The following RREB1 variants were observed in gnomAD, a reference collection of about 807,000 sequenced individuals.
RREB1 encodes the protein ras responsive element binding protein 1.
A neutral mutation model predicts 117.8 loss-of-function variants in RREB1; 27 were observed. The observed-to-expected ratio is 0.23, with a 90% CI of 0.17 to 0.32. The LOEUF (loss-of-function observed/expected upper bound fraction) is 0.32. Ranked by LOEUF, RREB1 falls within the 10% of genes least tolerant of loss-of-function variation. The probability of loss-of-function intolerance (pLI) is 1.00; values close to 1 mark genes in which losing one functional copy is unlikely to be tolerated. For missense variants in RREB1, 2,577 were observed against 2,378.2 expected (o/e 1.08, Z -1.74); for synonymous variants, 1,298 against 1,026.7 (o/e 1.26, Z -5.05).
At chr6:7,123,847 G>A (rs1217143562) in intron 1 of RREB1, among the ~76,000 whole-genome samples, 2 of 151,878 alleles carry the variant, frequency 1.3e-5, no homozygotes, top group African/African-American at 4.8e-5. Flanking sequence ...TCCTGACCTC[G>A]TGATCCACCT....
intron 6 of RREB1, among the ~76,000 whole-genome samples, chr6:7,191,202 A>G (rs1242253752): frequency 1.3e-5 from 2 of 151,804 alleles, no homozygotes; most frequent in East Asian, 3.9e-4. Context: ...ACGTGAACAC[A>G]TGTCTGTATT....
At chr6:7,132,308 G>A (rs1762187741) in intron 1 of RREB1, among the ~76,000 whole-genome samples, 1 of 152,092 alleles carries the variant, frequency 6.6e-6, no homozygotes, top group Admixed American at 6.6e-5. Context: ...ACCTGCCTCG[G>A]CCTTCCAAAG....
chr6:7,215,946 TGAA>T (rs3028732), intron 8 of RREB1: 80,219 of 151,778 alleles, frequency 0.53, 22,352 homozygotes, highest in East Asian at 0.8. Context: ...GTCTTGTGTG[TGAA>T]GAAGGCCCAA....
chr6:7,114,229 C>G (rs1761277946), intron 1 of RREB1, among the ~76,000 whole-genome samples: 1 of 152,200 alleles, frequency 6.6e-6, no homozygotes, highest in Non-Finnish European at 1.5e-5. Context: ...TCAAGCGATT[C>G]TCCTGCCTCA....
intron 6 of RREB1, among the ~76,000 whole-genome samples, chr6:7,205,438 A>G (rs1192523080): frequency 6.6e-6 from 1 of 152,178 alleles, no homozygotes; most frequent in Non-Finnish European, 1.5e-5. Flanking sequence ...CAGAACAGAG[A>G]TCACACGTCT....
At chr6:7,214,315 A>G (rs920486048) in intron 8 of RREB1, 5 of 152,208 alleles carry the variant, frequency 3.3e-5, no homozygotes, top group African/African-American at 1.2e-4. Context: ...TGGCTTAACA[A>G]TTTTGTAACC....
intron 12 of RREB1, 35 bp downstream of exon 12, chr6:7,247,256 G>A: frequency 6.3e-7 from 1 of 1,576,480 alleles, no homozygotes; most frequent in Non-Finnish European, 8.6e-7. Context: ...GGCCCAACAA[G>A]AGGAGGCGAG....
chr6:7,132,102 T>A (rs1450062407), intron 1 of RREB1, among the ~76,000 whole-genome samples: 1 of 152,188 alleles, frequency 6.6e-6, no homozygotes, highest in Non-Finnish European at 1.5e-5. Context: ...TTGCCCAGGC[T>A]GGAGTACAAT....
At chr6:7,174,474 C>T (rs1195835166) in intron 1 of RREB1, among the ~76,000 whole-genome samples, 2 of 151,772 alleles carry the variant, frequency 1.3e-5, no homozygotes, top group African/African-American at 4.8e-5. Context: ...TTTAAGGTGT[C>T]TTTTTAAAAT....
intron 1 of RREB1, among the ~76,000 whole-genome samples, chr6:7,173,307 A>G (rs1431121069): frequency 6.6e-6 from 1 of 152,032 alleles, no homozygotes; most frequent in Non-Finnish European, 1.5e-5. Context: ...ACCTTAGGTC[A>G]GGAGTTCGAG....
At chr6:7,224,314 T>A (rs996043187) in intron 8 of RREB1, among the ~76,000 whole-genome samples, 20 of 152,176 alleles carry the variant, frequency 1.3e-4, no homozygotes, top group African/African-American at 4.1e-4. Context: ...GGAACCTTTT[T>A]AAAAAGCATA....
chr6:7,138,756 AAT>A (rs1388210408), intron 1 of RREB1, among the ~76,000 whole-genome samples: 1 of 152,256 alleles, frequency 6.6e-6, no homozygotes, highest in African/African-American at 2.4e-5. Context: ...AAGTGACATG[AAT>A]ATGATTGTTT....
At chr6:7,160,319 T>C (rs1163942464) in intron 1 of RREB1, among the ~76,000 whole-genome samples, 1 of 152,126 alleles carries the variant, frequency 6.6e-6, no homozygotes, top group African/African-American at 2.4e-5. Flanking sequence ...TTTTCAAAAA[T>C]TATGTTAAGT....
At chr6:7,223,462 G>A (rs1581562230) in intron 8 of RREB1, among the ~76,000 whole-genome samples, 2 of 149,134 alleles carry the variant, frequency 1.3e-5, no homozygotes, top group South Asian at 4.2e-4. Context: ...TCAGGAGGCT[G>A]AAGCGGGAGA....
chr6:7,246,291 G>C (rs1769012964), intron 11 of RREB1, 133 bp from the exon 12 acceptor site: 5 of 711,698 alleles, frequency 7.0e-6, no homozygotes, highest in Non-Finnish European at 1.1e-5. Flanking sequence ...GTGAGGATTT[G>C]GGCCGAAAGA....
At position 7,223,053 on chromosome 6, in the gene RREB1, G is replaced by A. The variant is rs578052565; in HGVS notation, c.708-3414G>A. Among the ~76,000 whole-genome samples the A allele has an allele frequency of 6.6e-4, 100 of 151,894 alleles. 1 individual carries two copies. The highest frequency in any genetic ancestry group is 1.5e-4 in the Non-Finnish European group (10 of 67,940). On this transcript the variant is annotated intron_variant, in intron 8 of 12. Coordinates refer to ENST00000379938, the MANE Select transcript of RREB1 (RefSeq NM_001003699.4). ...GAGCATTGCTTGAGCCCAGGAGTTC[G>A]AGACCAGCCTAGGCAACATGGTGAC...
intron 9 of RREB1, among the ~76,000 whole-genome samples, chr6:7,228,495 C>CT (rs568193582): frequency 0.11 from 10,363 of 91,194 alleles, 1,076 homozygotes; most frequent in Non-Finnish European, 0.15. Context: ...AGAAGGTCAA[C>CT]TTTTTTTTTT....
chr6:7,204,305 C>G (rs1766151670), intron 6 of RREB1, among the ~76,000 whole-genome samples: 1 of 151,092 alleles, frequency 6.6e-6, no homozygotes, highest in African/African-American at 2.4e-5. Context: ...CTGTCCTCCC[C>G]CCGCCCCCTC....
chr6:7,230,454 G>C lies in RREB1; in HGVS notation c.2355G>C (p.Lys785Asn). Reference sequence around the variant, plus strand: ...GCCGCGGCCTGGGCGGGGGCCACAAGGGCCGCAAGCCCTTCGAGTGCAAGG... The same window carrying C: ...GCCGCGGCCTGGGCGGGGGCCACAACGGCCGCAAGCCCTTCGAGTGCAAGG... ...HCGRGLGGGH[K>N]GRKPFECKEC... Residue 785 changes from lysine to asparagine, a missense_variant, in exon 10 of 13, where the codon AAG (lysine) becomes AAC (asparagine). Transcript: ENST00000379938. 6.3e-7 allele frequency: 1 copy of C among 1,592,734 alleles called. No individual in the cohort carries two copies. Among genetic ancestry groups the C allele is most frequent in the Non-Finnish European group, 8.5e-7 (1 of 1,176,082 alleles).
Sources: allele counts gnomAD v4.1 joint callset (sites outside exome capture counted in the v4.1 genomes callset), GRCh38; gene constraint gnomAD v4.1.1; transcripts MANE v1.5; gene names NCBI Gene and HGNC (gene_info 2026-07-23, HGNC 2026-07-21).